The following TTC12 variants were observed in gnomAD, a reference collection of about 807,000 sequenced individuals.
TTC12 encodes tetratricopeptide repeat domain 12.
TTC12 carries 70 observed loss-of-function variants against 90.1 expected under a neutral mutation model. The ratio of observed to expected loss-of-function variants is 0.78; its 90% CI spans 0.64 to 0.95. The LOEUF (loss-of-function observed/expected upper bound fraction) is 0.95. Among genes scored for constraint, TTC12 ranks in the 40% least tolerant of loss-of-function variants. The pLI, the probability that TTC12 is intolerant of heterozygous loss-of-function variation, is 0.00. For synonymous variants in TTC12, 296 were observed against 311.5 expected, an observed-to-expected ratio of 0.95 and a Z score of 0.53; for missense variants, 819 against 846.1, an observed-to-expected ratio of 0.97 and a Z score of 0.40.
rs562129497 is a variant in TTC12 at position 113,346,997 on chromosome 11, G to A, written c.1154+2557G>A. On this transcript the variant is annotated intron_variant, in intron 13 of 21. Transcript: ENST00000529221. Reference sequence around the variant, plus strand: ...AAGAGGGTATGTGAGGAAATAGAAAGGGACACACCGTCCTCTCTAGGTGCT... The same window carrying A: ...AAGAGGGTATGTGAGGAAATAGAAAAGGACACACCGTCCTCTCTAGGTGCT... Among the ~76,000 whole-genome samples, 14 of 152,214 alleles carry A rather than the reference G, an allele frequency of 9.2e-5. No homozygotes were observed. In the South Asian group the frequency reaches 2.9e-3, roughly 32 times the overall value.
At position 113,364,929 on chromosome 11, in the gene TTC12, C is replaced by A; in HGVS notation, c.1911C>A (p.Asn637Lys). 6.2e-7 allele frequency: 1 copy of A among 1,614,182 alleles called. No homozygotes were observed. Among genetic ancestry groups the A allele is most frequent in the Non-Finnish European group, 8.5e-7 (1 of 1,180,018 alleles). Residue 637 changes from asparagine to lysine, a missense_variant, in exon 21 of 22, where the codon AAC becomes AAA. Coordinates refer to ENST00000529221, the MANE Select transcript of TTC12 (RefSeq NM_017868.4). ...TTGGTAACTGCATGGAGGTGCCCAA[C>A]GTTGCGTCTTCCCTGCTAAAGACGG... ...LCLGNCMEVP[N>K]VASSLLKTDL...
At chr11:113,363,977 C>A in intron 20 of TTC12, 50 bp downstream of exon 20, 2 of 1,313,792 alleles carry the variant, frequency 1.5e-6, no homozygotes, top group Non-Finnish European at 2.2e-6. Context: ...GTTCATCCAC[C>A]CTTGAAGCTG....
rs2298490 is a variant in TTC12, at chr11:113,362,337, G to A, written c.1615-64G>A. 771,312 of 1,270,734 alleles carry A rather than the reference G, an allele frequency of 0.61. 236,341 individuals carry two copies. Among genetic ancestry groups the A allele is most frequent in the African/African-American group, 0.68 (45,672 of 67,568 alleles). 78.7% of individuals were successfully genotyped at this position (1,270,734 alleles called of 1,614,324 possible). A position where few individuals can be genotyped will look rare whatever the true frequency, so the allele number is the denominator to read the frequency against. On this transcript the variant is annotated intron_variant, in intron 18 of 21. Coordinates refer to ENST00000529221, the MANE Select transcript of TTC12 (RefSeq NM_017868.4). Reference sequence around the variant, plus strand: ...TTTTGCCTCACCAAACTCCCCGTTAGCTTTTAAAGGTTGTCAGCATTTCTG... The same window carrying A: ...TTTTGCCTCACCAAACTCCCCGTTAACTTTTAAAGGTTGTCAGCATTTCTG...
intron 6 of TTC12, among the ~76,000 whole-genome samples, chr11:113,329,064 C>G (rs1179913985): frequency 6.6e-6 from 1 of 152,168 alleles, no homozygotes; most frequent in Admixed American, 6.5e-5. Flanking sequence ...TGCCTTTTGA[C>G]TATCATGAAT....
Position 113,349,449 on chromosome 11 carries a change from C to T in TTC12, c.1155-624C>T, listed in dbSNP as rs556468576. Among the ~76,000 whole-genome samples, 3 of 152,308 alleles carry T rather than the reference C, an allele frequency of 2.0e-5. No homozygotes were observed. The South Asian group carries it at 6.2e-4, about 32-fold the overall frequency. ...AGTCCGTTTGGGCAGCCTGAGATTT[C>T]ATCAGGTGTTTTTTGGCATCTGTGT... On this transcript the variant is annotated intron_variant, in intron 13 of 21. Transcript: ENST00000529221.
Position 113,365,031 on chromosome 11 carries a change from T to C in TTC12, c.2013T>C (p.Ala671=), listed in dbSNP as rs985119983. ...KTAVQVNAGI[A]LGKLCTAEPR... Reference sequence around the variant, plus strand: ...CCGTGCAGGTGAACGCAGGCATTGCTCTGGGGAAGCTGTGCACAGCTGAGC... The same window carrying C: ...CCGTGCAGGTGAACGCAGGCATTGCCCTGGGGAAGCTGTGCACAGCTGAGC... Residue 671 remains alanine, a synonymous_variant, in exon 21 of 22, where the codon GCT becomes GCC. Transcript: ENST00000529221. 3 of 1,613,986 alleles carry C rather than the reference T, an allele frequency of 1.9e-6. No individual in the cohort carries two copies. The Admixed American group carries it at 5.0e-5, about 27-fold the overall frequency.
At chr11:113,352,853 T>C (rs368708387) in intron 16 of TTC12, among the ~76,000 whole-genome samples, 117 of 152,394 alleles carry the variant, frequency 7.7e-4, no homozygotes, top group African/African-American at 2.4e-3. Flanking sequence ...CAGTCTATCA[T>C]TGATGGGCAT....
At chr11:113,368,429 C>T (rs940522635), downstream of TTC12, 2 of 1,550,376 alleles carry the variant, frequency 1.3e-6, no homozygotes, top group East Asian at 2.4e-5. Context: ...TGCCAGGAGC[C>T]CCGACACCAC....
chr11:113,353,079 TCCGACCAA>T (rs1949405050), intron 16 of TTC12, among the ~76,000 whole-genome samples: 1 of 152,224 alleles, frequency 6.6e-6, no homozygotes, highest in South Asian at 2.1e-4. Context: ...TACTTCACAC[TCCGACCAA>T]CAGTGTATAA....
At chr11:113,360,696 G>C (rs1407235131) in intron 18 of TTC12, among the ~76,000 whole-genome samples, 3 of 152,180 alleles carry the variant, frequency 2.0e-5, no homozygotes, top group African/African-American at 7.2e-5. Context: ...TAATGGCTAG[G>C]GAAGCAATTA....
chr11:113,324,354 T>G, intron 4 of TTC12: 1 of 552,186 alleles, frequency 1.8e-6, no homozygotes, highest in Non-Finnish European at 3.2e-6. Context: ...GAAAAACTCT[T>G]TTAAAAGACA....
At chr11:113,357,183 A>T (rs1029366382) in intron 16 of TTC12, among the ~76,000 whole-genome samples, 3 of 152,116 alleles carry the variant, frequency 2.0e-5, no homozygotes, top group Non-Finnish European at 2.9e-5. Flanking sequence ...CCTGTGTTCA[A>T]GCTCTGAGAT....
At chr11:113,367,938 A>G (rs1371782081), downstream of TTC12, among the ~76,000 whole-genome samples, 1 of 152,264 alleles carries the variant, frequency 6.6e-6, no homozygotes, top group African/African-American at 2.4e-5. Context: ...GCTCGATGCT[A>G]ATCAGAGCAC....
At chr11:113,367,720 C>CA (rs10649760), downstream of TTC12, among the ~76,000 whole-genome samples, 2 of 151,914 alleles carry the variant, frequency 1.3e-5, no homozygotes, top group Non-Finnish European at 2.9e-5. Context: ...CATTTGGTGA[C>CA]GGGGGTGGGC....
chr11:113,341,401 A>G (rs1375099841), intron 11 of TTC12, among the ~76,000 whole-genome samples: 1 of 151,178 alleles, frequency 6.6e-6, no homozygotes, highest in East Asian at 1.9e-4. Flanking sequence ...GAAGTGATAT[A>G]AATATAAATG....
At chr11:113,368,732 C>G (rs1950296015), downstream of TTC12, 1 of 550,126 alleles carries the variant, frequency 1.8e-6, no homozygotes, top group Non-Finnish European at 3.2e-6. Context: ...ATTGTAAACA[C>G]TTTTTTAAGG....
chr11:113,333,604 G>A (rs1367287934), intron 7 of TTC12, among the ~76,000 whole-genome samples: 5 of 152,122 alleles, frequency 3.3e-5, no homozygotes, highest in African/African-American at 1.2e-4. Context: ...CTATAAGATA[G>A]GGATAATAAC....
downstream of TTC12, chr11:113,368,254 C>T (rs1422135733): frequency 1.1e-5 from 17 of 1,522,424 alleles, no homozygotes; most frequent in East Asian, 1.3e-4. Flanking sequence ...TCTGTCTCCT[C>T]GCAGGTGGGA....
intron 1 of TTC12, among the ~76,000 whole-genome samples, chr11:113,315,530 C>T (rs1399263752): frequency 1.3e-5 from 2 of 152,204 alleles, no homozygotes; most frequent in African/African-American, 4.8e-5. Context: ...GGTTTACTGA[C>T]TTGAAATCTC....
Sources: allele counts gnomAD v4.1 joint callset (sites outside exome capture counted in the v4.1 genomes callset), GRCh38; gene constraint gnomAD v4.1.1; transcripts MANE v1.5; gene names NCBI Gene and HGNC (gene_info 2026-07-23, HGNC 2026-07-21).